The following THADA variants were observed in gnomAD, a reference collection of about 807,000 sequenced individuals.
THADA encodes THADA armadillo repeat containing.
Under a neutral mutation model 219.8 loss-of-function variants are expected in THADA, and 213 were observed. That is an observed-to-expected ratio of 0.97 (90% CI 0.87 to 1.09). The LOEUF is 1.09. THADA is among the 50% of genes least tolerant of loss of function. The pLI is 0.00. For missense variants in THADA, 2,956 were observed against 2,311.3 expected, an observed-to-expected ratio of 1.28 and a Z score of -5.72; for synonymous variants, 1,018 against 828.9, an observed-to-expected ratio of 1.23 and a Z score of -3.92.
chr2:43,551,687 G>C, intron 19 of THADA, 102 bp downstream of exon 19: 1 of 1,109,370 alleles, frequency 9.0e-7, no homozygotes, highest in Non-Finnish European at 1.2e-6. Context: ...CCTCAACTTA[G>C]CTTTTATATC....
chr2:43,442,622 T>A (rs1302704736), intron 26 of THADA, among the ~76,000 whole-genome samples: 1 of 152,168 alleles, frequency 6.6e-6, no homozygotes, highest in African/African-American at 2.4e-5. Flanking sequence ...TTTTAGAAAC[T>A]TGAATGCCAA....
chr2:43,533,873 T>C (rs1694216344), intron 21 of THADA, among the ~76,000 whole-genome samples: 1 of 152,150 alleles, frequency 6.6e-6, no homozygotes, highest in Admixed American at 6.6e-5. Flanking sequence ...AAACCTCACG[T>C]TCAGCACATG....
rs371128693 is a variant in THADA at position 43,551,804 on chromosome 2, T to C, written c.2932A>G (p.Met978Val). The change falls in exon 19 of 38, where the codon ATG (methionine) becomes GTG (valine). Residue 978 changes from methionine to valine, a missense_variant. By Grantham distance (21) the Met-to-Val change is conservative. Transcript: ENST00000405975. ...ATTTGCTAACCTGAATCAGTGTCCA[T>C]TGGGATGAGGCCTTCAGGGGATGAG... ...QSSSPEGLIP[M>V]DTDSESASRL... The C allele has an allele frequency of 7.4e-6, 12 of 1,613,144 alleles. No homozygotes were observed. The Admixed American group carries it at 8.3e-5, about 11-fold the overall frequency.
At chr2:43,425,757 C>T (rs1390483662) in intron 28 of THADA, among the ~76,000 whole-genome samples, 2 of 152,186 alleles carry the variant, frequency 1.3e-5, no homozygotes, top group Non-Finnish European at 2.9e-5. Context: ...CTTCTGCTTA[C>T]AGGACATTTT....
At chr2:43,432,478 A>C (rs1431625428) in intron 26 of THADA, among the ~76,000 whole-genome samples, 2 of 134,744 alleles carry the variant, frequency 1.5e-5, no homozygotes, top group Non-Finnish European at 3.2e-5. Flanking sequence ...TTTTTTTACT[A>C]TTATGAATAA....
intron 29 of THADA, among the ~76,000 whole-genome samples, chr2:43,385,285 A>G (rs1672512378): frequency 1.3e-5 from 2 of 152,200 alleles, no homozygotes; most frequent in South Asian, 4.1e-4. Flanking sequence ...AGTTAGATAT[A>G]AAAATGACTA....
intron 22 of THADA, among the ~76,000 whole-genome samples, chr2:43,513,108 T>G (rs1169116690): frequency 6.6e-6 from 1 of 152,218 alleles, no homozygotes; most frequent in African/African-American, 2.4e-5. Flanking sequence ...TTTTCTCACT[T>G]TGCTCTTCTA....
At chr2:43,308,475 T>G (rs1677106210) in intron 31 of THADA, among the ~76,000 whole-genome samples, 1 of 151,918 alleles carries the variant, frequency 6.6e-6, no homozygotes, top group South Asian at 2.1e-4. Context: ...GAGGCCACGA[T>G]AGGAGGAGTG....
Position 43,574,753 on chromosome 2 carries a change from C to A in THADA, c.1312G>T (p.Val438Leu). 1 of 1,614,006 alleles carries A rather than the reference C, an allele frequency of 6.2e-7. No individual in the cohort carries two copies. The highest frequency in any genetic ancestry group is 8.5e-7 in the Non-Finnish European group (1 of 1,179,896). The stretch of plus-strand genomic sequence containing the variant: ...CGTAAAAGACTCTCAGTCAATTCCA[C>A]AAAGAAAGGATCAGGGACGAAATCT... Reference protein sequence around the residue: ...GADFVPDPFFVELTESLLRLE... With the variant: ...GADFVPDPFFLELTESLLRLE... Residue 438 changes from valine to leucine, a missense_variant, in exon 11 of 38, where the codon GTG (valine) becomes TTG (leucine). By Grantham distance (32) the Val-to-Leu change is conservative (BLOSUM62 1). Coordinates refer to ENST00000405975, the MANE Select transcript of THADA (RefSeq NM_022065.5).
chr2:43,381,058 A>G (rs1362337941), intron 29 of THADA, among the ~76,000 whole-genome samples: 2 of 146,050 alleles, frequency 1.4e-5, no homozygotes, highest in Non-Finnish European at 3.0e-5. Context: ...AGATCGTGCC[A>G]CTACACTCCA....
chr2:43,406,888 A>G (rs1675605206), intron 28 of THADA, among the ~76,000 whole-genome samples: 1 of 152,204 alleles, frequency 6.6e-6, no homozygotes. Context: ...GCTGGGCTGC[A>G]GCATATGCAG....
intron 28 of THADA, among the ~76,000 whole-genome samples, chr2:43,402,272 G>A (rs1203359126): frequency 6.6e-6 from 1 of 152,122 alleles, no homozygotes; most frequent in Non-Finnish European, 1.5e-5. Flanking sequence ...ACAAATCGGT[G>A]GTACCCATGC....
At chr2:43,332,181 G>T (rs1383938003) in intron 30 of THADA, among the ~76,000 whole-genome samples, 1 of 152,136 alleles carries the variant, frequency 6.6e-6, no homozygotes, top group Non-Finnish European at 1.5e-5. Context: ...CAACTCCCAG[G>T]TTCAAACAAT....
At chr2:43,305,586 G>A (rs1023289840) in intron 31 of THADA, among the ~76,000 whole-genome samples, 6 of 152,162 alleles carry the variant, frequency 3.9e-5, no homozygotes, top group African/African-American at 1.2e-4. Flanking sequence ...CGGCTGCTGA[G>A]GAAGGAGGAT....
chr2:43,235,746 C>T (rs538602127), intron 36 of THADA, among the ~76,000 whole-genome samples: 1 of 152,184 alleles, frequency 6.6e-6, no homozygotes, highest in South Asian at 2.1e-4. Context: ...CCAGAGATGC[C>T]ACCAAGGAAG....
At chr2:43,530,473 G>A (rs887812343) in intron 21 of THADA, among the ~76,000 whole-genome samples, 3 of 152,070 alleles carry the variant, frequency 2.0e-5, no homozygotes, top group African/African-American at 7.2e-5. Context: ...AGGACTAGAA[G>A]AACCACCAGT....
chr2:43,292,077 G>A (rs374782110), intron 33 of THADA, 27 bp downstream of exon 33: 4 of 1,488,826 alleles, frequency 2.7e-6, no homozygotes, highest in South Asian at 1.2e-5. Context: ...TCTTACCAAG[G>A]TTGCACAGGA....
In THADA at chr2:43,581,871, G is replaced by A. The variant is rs911035837; in HGVS notation, c.591C>T (p.Gly197=). 6.2e-7 allele frequency: 1 copy of A among 1,605,774 alleles called. No individual in the cohort carries two copies. Among genetic ancestry groups the A allele is most frequent in the Non-Finnish European group, 8.5e-7 (1 of 1,177,544 alleles). ...QTQLMNDLLV[G]IRVSMMLVQK... is the part of the protein sequence containing the mutation. ...GTACTAACATCATTGAAACTCTAAT[G>A]CCTACCAGTAAGTCATTCATCAACT... is the stretch of plus-strand genomic sequence containing the variant. Residue 197 remains glycine (G), a synonymous_variant, in exon 8 of 38, where the codon GGC becomes GGT. Coordinates refer to ENST00000405975, the MANE Select transcript of THADA (RefSeq NM_022065.5).
intron 29 of THADA, among the ~76,000 whole-genome samples, chr2:43,349,706 G>A: frequency 6.6e-6 from 1 of 152,134 alleles, no homozygotes; most frequent in Non-Finnish European, 1.5e-5. Context: ...AATAAGAAAA[G>A]AGATGCTCAT....
Sources: allele counts gnomAD v4.1 joint callset (sites outside exome capture counted in the v4.1 genomes callset), GRCh38; gene constraint gnomAD v4.1.1; transcripts MANE v1.5; gene names NCBI Gene and HGNC (gene_info 2026-07-23, HGNC 2026-07-21).